The following PLD5 variants were observed in gnomAD, a reference collection of about 807,000 sequenced individuals.
The protein encoded by PLD5 is phospholipase D family member 5, also known as inactive phospholipase D5.
In PLD5, 36 loss-of-function variants were observed where a neutral mutation model predicts 61.1. The observed-to-expected ratio is 0.59, with a 90% CI of 0.45 to 0.78. The LOEUF is 0.78. Among genes scored for constraint, PLD5 ranks in the 30% least tolerant of loss-of-function variants. The probability of loss-of-function intolerance (pLI) is 0.00; values close to 1 mark genes in which losing one functional copy is unlikely to be tolerated. For missense variants in PLD5, 515 were observed against 644.4 expected (o/e 0.80, Z 2.17); for synonymous variants, 243 against 242.8 (o/e 1.00, Z -0.01).
In PLD5 at chr1:242,460,584, A is replaced by G. The variant is rs180927304; in HGVS notation, c.189+63504T>C. On this transcript the variant is annotated intron_variant, in intron 1 of 9. Coordinates refer to ENST00000536534, the MANE Select transcript of PLD5 (RefSeq NM_001372062.1). ...TAAAGACATCATACTCTTCCTCTCT[A>G]TCTACTGCCTTCTGCTCCTCCCTAT... Among the ~76,000 whole-genome samples the G allele has an allele frequency of 2.2e-3, 332 of 149,304 alleles. 2 individuals are homozygous for G. The highest frequency in any genetic ancestry group is 8.2e-3 in the African/African-American group (318 of 38,762).
chr1:242,470,222 C>G (rs138874693), intron 1 of PLD5, among the ~76,000 whole-genome samples: 7,373 of 151,918 alleles, frequency 0.049, 246 homozygotes, highest in Middle Eastern at 0.061. Flanking sequence ...GGCGCCTGTA[C>G]TCCCAGCTAC....
At chr1:242,483,522 A>G (rs1002057863) in intron 1 of PLD5, among the ~76,000 whole-genome samples, 12 of 152,246 alleles carry the variant, frequency 7.9e-5, no homozygotes, top group Non-Finnish European at 1.5e-4. Flanking sequence ...TCCTAAATAT[A>G]TATGCACCCA....
chr1:242,369,203 A>C (rs1324322238), intron 1 of PLD5, among the ~76,000 whole-genome samples: 1 of 152,196 alleles, frequency 6.6e-6, no homozygotes, highest in Non-Finnish European at 1.5e-5. Context: ...AAGCAAGTAC[A>C]TCTTTTTTGC....
At chr1:242,149,922 C>G (rs1048062484) in intron 5 of PLD5, among the ~76,000 whole-genome samples, 1 of 151,728 alleles carries the variant, frequency 6.6e-6, no homozygotes, top group Non-Finnish European at 1.5e-5. Flanking sequence ...TGTTCAAGAA[C>G]TAGATTTTTA....
intron 2 of PLD5, among the ~76,000 whole-genome samples, chr1:242,343,433 T>A: frequency 6.6e-6 from 1 of 152,004 alleles, no homozygotes; most frequent in African/African-American, 2.4e-5. Context: ...CCAGGGAGGT[T>A]AGCTCCAGGA....
intron 3 of PLD5, among the ~76,000 whole-genome samples, chr1:242,277,458 T>C (rs1251084066): frequency 1.7e-5 from 1 of 57,636 alleles, no homozygotes; most frequent in Admixed American, 2.2e-4. Flanking sequence ...GAATTGATCT[T>C]GAGCAAATGG....
chr1:242,492,619 A>C (rs1470600771), intron 1 of PLD5, among the ~76,000 whole-genome samples: 1 of 152,172 alleles, frequency 6.6e-6, no homozygotes, highest in South Asian at 2.1e-4. Flanking sequence ...AAAATTTGCA[A>C]AGCAACCTAC....
In PLD5 at chr1:242,524,329, G is replaced by C. The variant is rs1669376875; in HGVS notation, c.-53C>G. The C allele has an allele frequency of 7.4e-7, 1 of 1,351,826 alleles. No individual in the cohort carries two copies. Among genetic ancestry groups the C allele is most frequent in the Middle Eastern group, 2.7e-4 (1 of 3,652 alleles). 83.7% of individuals were successfully genotyped at this position (1,351,826 alleles called of 1,614,324 possible). A position where few individuals can be genotyped will look rare whatever the true frequency, so the allele number is the denominator to read the frequency against. On this transcript the variant is annotated 5_prime_UTR_variant, in exon 1 of 10. Coordinates refer to ENST00000536534, the MANE Select transcript of PLD5 (RefSeq NM_001372062.1). ...AGCAGCGGACTCGGGACGGGCGCGCGGGGAGCCGGGCGCGGAGGGCGAGCG... is the reference window on the plus strand; with the variant it reads ...AGCAGCGGACTCGGGACGGGCGCGCCGGGAGCCGGGCGCGGAGGGCGAGCG...
intron 2 of PLD5, among the ~76,000 whole-genome samples, chr1:242,290,637 C>T (rs1218902622): frequency 2.0e-5 from 3 of 151,866 alleles, no homozygotes; most frequent in East Asian, 1.9e-4. Flanking sequence ...GAGAGTAAAG[C>T]GCTGCAATAG....
Position 242,256,707 on chromosome 1 carries a change from A to G in PLD5, c.607+8630T>C, listed in dbSNP as rs1431197875. Among the ~76,000 whole-genome samples the G allele has an allele frequency of 6.6e-6, 1 of 152,194 alleles. No individual in the cohort carries two copies. The highest frequency in any genetic ancestry group is 1.5e-5 in the Non-Finnish European group (1 of 68,046). ...AGTGGCTGTTCTTTATAAATTGCCCAGTCTCAGTTATTACAGCAGCACAAA... is the reference window on the plus strand; with the variant it reads ...AGTGGCTGTTCTTTATAAATTGCCCGGTCTCAGTTATTACAGCAGCACAAA... On this transcript the variant is annotated intron_variant, in intron 4 of 9. Transcript: ENST00000536534. The surrounding 1 kb of genome is among the most constrained non-coding windows in gnomAD (Gnocchi z 5.7).
Position 242,148,526 on chromosome 1 carries a change from C to T in PLD5, c.736-23861G>A, listed in dbSNP as rs895126884. ...CCATTTGTCAATTTTTGTGAAAGTC[C>T]TGAGGGGATTTTAGTTGGAATTGCA... On this transcript the variant is annotated intron_variant, in intron 5 of 9. Transcript: ENST00000536534. Among the ~76,000 whole-genome samples the T allele has an allele frequency of 5.3e-5, 8 of 151,728 alleles. No individual in the cohort carries two copies. The South Asian group carries it at 1.7e-3, about 32-fold the overall frequency.
At chr1:242,520,262 G>C (rs1473557850) in intron 1 of PLD5, among the ~76,000 whole-genome samples, 1 of 152,182 alleles carries the variant, frequency 6.6e-6, no homozygotes, top group Non-Finnish European at 1.5e-5. Context: ...ATTGGGCAAG[G>C]CAACCAAGAT....
In PLD5 at chr1:242,138,581, C is replaced by T. The variant is rs181109082; in HGVS notation, c.736-13916G>A. On this transcript the variant is annotated intron_variant, in intron 5 of 9. Coordinates refer to ENST00000536534, the MANE Select transcript of PLD5 (RefSeq NM_001372062.1). ...AATTGCAAGAGATTTTATAAAGGTC[C>T]AATGCGGAAATAAAGCACATATTTT... Among the ~76,000 whole-genome samples, 9 of 152,194 alleles carry T rather than the reference C, an allele frequency of 5.9e-5. No homozygotes were observed. The East Asian group carries it at 1.5e-3, about 26-fold the overall frequency.
At chr1:242,140,830 C>T (rs749249119) in intron 5 of PLD5, among the ~76,000 whole-genome samples, 1 of 152,022 alleles carries the variant, frequency 6.6e-6, no homozygotes, top group Admixed American at 6.5e-5. Flanking sequence ...CTGCATAGAC[C>T]TGATCACTGG....
At chr1:242,204,259 T>A (rs1023462005) in intron 5 of PLD5, among the ~76,000 whole-genome samples, 4 of 149,690 alleles carry the variant, frequency 2.7e-5, no homozygotes, top group South Asian at 2.1e-4. Flanking sequence ...AAAAAAAAAA[T>A]TTTAGGCACT....
intron 1 of PLD5, among the ~76,000 whole-genome samples, chr1:242,371,248 G>A (rs1558504266): frequency 6.6e-6 from 1 of 152,076 alleles, no homozygotes; most frequent in Non-Finnish European, 1.5e-5. Context: ...CACTGAGAGA[G>A]GCTTAGAGTT....
Position 242,371,509 on chromosome 1 carries a change from T to A in PLD5, c.190-23267A>T, listed in dbSNP as rs564067848. ...TATCACCTCTGCCCTAACTCCTTTC[T>A]CCATCCCTTATCCCCCTCCTTCTTT... On this transcript the variant is annotated intron_variant, in intron 1 of 9. Coordinates refer to ENST00000536534, the MANE Select transcript of PLD5 (RefSeq NM_001372062.1). 5.3e-5 allele frequency among the ~76,000 whole-genome samples: 8 copies of A among 152,212 alleles called. 1 individual carries two copies. Among genetic ancestry groups the A allele is most frequent in the Admixed American group, 5.2e-4 (8 of 15,276 alleles).
At chr1:242,240,942 G>A (rs993109433) in intron 4 of PLD5, among the ~76,000 whole-genome samples, 1 of 152,146 alleles carries the variant, frequency 6.6e-6, no homozygotes, top group African/African-American at 2.4e-5. Context: ...GAACTGGGTG[G>A]CTGTAAAAGG....
At chr1:242,375,669 AAC>A (rs1355479710) in intron 1 of PLD5, among the ~76,000 whole-genome samples, 1 of 152,230 alleles carries the variant, frequency 6.6e-6, no homozygotes, top group Non-Finnish European at 1.5e-5. Context: ...TGCAAAAGAA[AAC>A]ACAAAACAAA....
Sources: gnomAD v4.1 joint callset for allele counts (sites outside exome capture counted in the v4.1 genomes callset) on GRCh38, gnomAD v4.1.1 for gene constraint, Gnocchi (gnomAD v3.1) non-coding constraint, MANE v1.5 for transcripts, NCBI Gene and HGNC (gene_info 2026-07-23, HGNC 2026-07-21) for gene names.